The following SNX9 variants were observed in gnomAD, a reference collection of about 807,000 sequenced individuals.
SNX9 encodes the protein sorting nexin 9.
A neutral mutation model predicts 89.4 loss-of-function variants in SNX9; 44 were observed. The observed-to-expected ratio is 0.49, with a 90% CI of 0.39 to 0.63. SNX9 has a LOEUF of 0.63. SNX9 is among the 30% of genes least tolerant of loss of function. The probability of loss-of-function intolerance (pLI) is 0.00; values close to 1 mark genes in which losing one functional copy is unlikely to be tolerated. For missense variants in SNX9, 578 were observed against 736.1 expected, an observed-to-expected ratio of 0.79 and a Z score of 2.49; for synonymous variants, 236 against 247.8, an observed-to-expected ratio of 0.95 and a Z score of 0.45.
At chr6:157,832,019 C>A (rs910758389) in intron 1 of SNX9, among the ~76,000 whole-genome samples, 1 of 152,196 alleles carries the variant, frequency 6.6e-6, no homozygotes, top group Non-Finnish European at 1.5e-5. Flanking sequence ...TCAAAACTTT[C>A]CAATTGATAT....
chr6:157,858,380 A>G (rs1782054919), intron 1 of SNX9, among the ~76,000 whole-genome samples: 1 of 151,466 alleles, frequency 6.6e-6, no homozygotes, highest in Non-Finnish European at 1.5e-5. Flanking sequence ...GCGAGTAGCT[A>G]GGATTACAGG....
chr6:157,875,703 G>A (rs1404633566), intron 4 of SNX9, among the ~76,000 whole-genome samples: 1 of 152,126 alleles, frequency 6.6e-6, no homozygotes, highest in East Asian at 1.9e-4. Flanking sequence ...TTAGAATAGT[G>A]GGATAACTTG....
intron 6 of SNX9, among the ~76,000 whole-genome samples, chr6:157,902,755 C>T (rs1183762383): frequency 6.6e-6 from 1 of 152,160 alleles, no homozygotes; most frequent in Non-Finnish European, 1.5e-5. Flanking sequence ...GCAACCCCAA[C>T]GTCCCGGGTT....
At chr6:157,840,434 T>TTTCCTTTCCTTTCC (rs57335143) in intron 1 of SNX9, among the ~76,000 whole-genome samples, 1 of 146,374 alleles carries the variant, frequency 6.8e-6, no homozygotes, top group African/African-American at 2.7e-5. Flanking sequence ...CTTTCTTTTC[T>TTTCCTTTCCTTTCC]TTCCTTTCTT....
intron 4 of SNX9, among the ~76,000 whole-genome samples, chr6:157,879,894 A>G (rs1040701288): frequency 1.3e-5 from 2 of 152,260 alleles, no homozygotes; most frequent in Admixed American, 1.3e-4. Context: ...AAGAATGAGA[A>G]CAATGAGGTT....
At chr6:157,889,580 G>T (rs1225649705) in intron 4 of SNX9, among the ~76,000 whole-genome samples, 1 of 152,172 alleles carries the variant, frequency 6.6e-6, no homozygotes, top group Non-Finnish European at 1.5e-5. Context: ...CCAAGAATTA[G>T]GAGTTGCTGT....
chr6:157,882,674 A>G (rs1287242758), intron 4 of SNX9, among the ~76,000 whole-genome samples: 2 of 152,202 alleles, frequency 1.3e-5, no homozygotes, highest in African/African-American at 4.8e-5. Flanking sequence ...GAAGGAAGTA[A>G]CTGCAGATGT....
At chr6:157,865,650 A>G (rs2115133346) in intron 1 of SNX9, among the ~76,000 whole-genome samples, 1 of 152,370 alleles carries the variant, frequency 6.6e-6, no homozygotes, top group East Asian at 1.9e-4. Flanking sequence ...TCCACCATCT[A>G]GATTCAGTAC....
At chr6:157,885,503 A>T (rs970815895) in intron 4 of SNX9, 1 of 152,196 alleles carries the variant, frequency 6.6e-6, no homozygotes, top group Non-Finnish European at 1.5e-5. Context: ...TTTTGAGGAA[A>T]AGAGTTAAAT....
intron 2 of SNX9, among the ~76,000 whole-genome samples, chr6:157,868,705 T>C (rs1341690860): frequency 6.6e-6 from 1 of 152,270 alleles, no homozygotes; most frequent in Non-Finnish European, 1.5e-5. Flanking sequence ...AATTATGAGA[T>C]GAACATCATT....
intron 3 of SNX9, chr6:157,874,584 A>C (rs1184535023): frequency 2.0e-5 from 3 of 152,456 alleles, no homozygotes; most frequent in African/African-American, 7.2e-5. Context: ...ATGTCCACTT[A>C]GGGACATCTA....
intron 1 of SNX9, among the ~76,000 whole-genome samples, chr6:157,862,653 A>G (rs911681177): frequency 6.6e-6 from 1 of 152,198 alleles, no homozygotes; most frequent in Non-Finnish European, 1.5e-5. Flanking sequence ...TCTAACTCCC[A>G]TATGAACTTT....
intron 4 of SNX9, chr6:157,885,446 T>C (rs1216916741): frequency 6.6e-6 from 1 of 152,132 alleles, no homozygotes; most frequent in Non-Finnish European, 1.5e-5. Flanking sequence ...TGAGCTAAAG[T>C]GGTTAGATTT....
intron 12 of SNX9, among the ~76,000 whole-genome samples, chr6:157,930,308 G>A (rs959756069): frequency 3.9e-5 from 6 of 152,176 alleles, no homozygotes; most frequent in African/African-American, 9.7e-5. Flanking sequence ...GAAATATGAT[G>A]CTGTATCCTA....
intron 1 of SNX9, among the ~76,000 whole-genome samples, chr6:157,826,713 A>G (rs1781351315): frequency 7.8e-6 from 1 of 127,680 alleles, no homozygotes; most frequent in Admixed American, 7.8e-5. Context: ...CAAAGGTTAT[A>G]TTTCGACCCA....
At chr6:157,932,504 G>A (rs1783832091) in intron 13 of SNX9, among the ~76,000 whole-genome samples, 1 of 151,876 alleles carries the variant, frequency 6.6e-6, no homozygotes, top group South Asian at 2.1e-4. Flanking sequence ...GCCTTTTTTT[G>A]CTCTCTGGTG....
At chr6:157,860,556 G>C (rs1782100016) in intron 1 of SNX9, among the ~76,000 whole-genome samples, 1 of 152,220 alleles carries the variant, frequency 6.6e-6, no homozygotes, top group Admixed American at 6.5e-5. Context: ...ATGGCCAGTT[G>C]ATGCCACCAC....
Position 157,888,965 on chromosome 6 carries a change from A to G in SNX9, c.301-7862A>G, listed in dbSNP as rs574306661. 1.2e-4 allele frequency among the ~76,000 whole-genome samples: 18 copies of G among 152,280 alleles called. 1 individual carries two copies. Among genetic ancestry groups the G allele is most frequent in the African/African-American group, 4.1e-4 (17 of 41,558 alleles). The stretch of plus-strand genomic sequence containing the variant: ...TGGTACCACGGAGAGAGGGAAAAGA[A>G]GAGGAGAATGAAGACATTGTCCTGT... On this transcript the variant is annotated intron_variant, in intron 4 of 17. Transcript: ENST00000392185.
chr6:157,940,846 G>C, intron 16 of SNX9, 37 bp from the exon 17 acceptor site: 1 of 1,589,004 alleles, frequency 6.3e-7, no homozygotes. Context: ...TTGAAAACTT[G>C]AGGGAAAACT....
Sources: gnomAD v4.1 joint callset for allele counts (sites outside exome capture counted in the v4.1 genomes callset) on GRCh38, gnomAD v4.1.1 for gene constraint, MANE v1.5 for transcripts, NCBI Gene and HGNC (gene_info 2026-07-23, HGNC 2026-07-21) for gene names.